TMEM132D: variants seen among roughly 807,000 people sequenced by gnomAD.
TMEM132D encodes the protein transmembrane protein 132D.
In TMEM132D, 21 loss-of-function variants were observed where a neutral mutation model predicts 62.3. That is an observed-to-expected ratio of 0.34 (90% CI 0.24 to 0.49). The LOEUF (loss-of-function observed/expected upper bound fraction) is 0.49. Among genes scored for constraint, TMEM132D ranks in the 20% least tolerant of loss-of-function variants. The pLI is 0.99. For synonymous variants in TMEM132D, 621 were observed against 575.6 expected (o/e 1.08, Z -1.13); for missense variants, 1,346 against 1,402.8 (o/e 0.96, Z 0.65).
chr12:129,597,389 A>G (rs1878366743), intron 2 of TMEM132D, among the ~76,000 whole-genome samples: 1 of 152,242 alleles, frequency 6.6e-6, no homozygotes, highest in South Asian at 2.1e-4. Context: ...TATAAATAAA[A>G]TAAAAACAAC....
intron 5 of TMEM132D, among the ~76,000 whole-genome samples, chr12:129,151,226 G>T (rs1877061634): frequency 6.6e-6 from 1 of 152,236 alleles, no homozygotes; most frequent in South Asian, 2.1e-4. Flanking sequence ...CGATCCAGAG[G>T]TGTTAATAGT....
intron 4 of TMEM132D, among the ~76,000 whole-genome samples, chr12:129,228,058 CT>C (rs1227053424): frequency 6.6e-6 from 1 of 152,184 alleles, no homozygotes; most frequent in Non-Finnish European, 1.5e-5. Flanking sequence ...TTGTTTCCCC[CT>C]TTATAATCCT....
At position 129,651,791 on chromosome 12, in the gene TMEM132D, CAGT is replaced by C. The variant is rs377476935; in HGVS notation, c.968+48016_968+48018del. On this transcript the variant is annotated intron_variant, in intron 2 of 8. Transcript: ENST00000422113. ...ATCTTTGAGGAGTCATGCATGTATA[CAGT>C]AGGAGTTCTGGGCATACATGTATAC... Among the ~76,000 whole-genome samples the C allele has an allele frequency of 1.6e-4, 24 of 152,312 alleles. 2 individuals carry two copies. In the South Asian group the frequency reaches 5.0e-3, roughly 32 times the overall value.
At chr12:129,501,661 C>A (rs144307187) in intron 3 of TMEM132D, among the ~76,000 whole-genome samples, 4 of 152,002 alleles carry the variant, frequency 2.6e-5, no homozygotes, top group Admixed American at 2.0e-4. Context: ...CACACCATCA[C>A]GCCTGGCCAA....
chr12:129,799,060 T>TG (rs1392348354), intron 1 of TMEM132D, among the ~76,000 whole-genome samples: 1 of 151,744 alleles, frequency 6.6e-6, no homozygotes, highest in East Asian at 1.9e-4. Flanking sequence ...GGTCCGGAGA[T>TG]GGAGACCAAT....
intron 1 of TMEM132D, among the ~76,000 whole-genome samples, chr12:129,783,219 C>A (rs1300912626): frequency 1.3e-5 from 2 of 152,132 alleles, no homozygotes; most frequent in East Asian, 3.9e-4. Flanking sequence ...TTCAAATGTA[C>A]AACCCTGAGA....
intron 4 of TMEM132D, among the ~76,000 whole-genome samples, chr12:129,318,609 G>T (rs972804270): frequency 6.6e-6 from 1 of 152,160 alleles, no homozygotes; most frequent in South Asian, 2.1e-4. Flanking sequence ...CTCTATGTTT[G>T]TGCTGGTGGC....
intron 1 of TMEM132D, among the ~76,000 whole-genome samples, chr12:129,750,010 C>A (rs181254907): frequency 2.4e-4 from 36 of 152,364 alleles, no homozygotes; most frequent in Middle Eastern, 6.8e-3. Context: ...TCCCCATTCC[C>A]TCTCCTGGAT....
chr12:129,187,596 C>T (rs1878254067), intron 5 of TMEM132D, among the ~76,000 whole-genome samples: 1 of 114,940 alleles, frequency 8.7e-6, no homozygotes, highest in Admixed American at 8.3e-5. Context: ...TGTAATGGAC[C>T]CAGCTGTGCA....
At chr12:129,601,930 G>T (rs2137143332) in intron 2 of TMEM132D, among the ~76,000 whole-genome samples, 1 of 151,932 alleles carries the variant, frequency 6.6e-6, no homozygotes, top group Admixed American at 6.6e-5. Flanking sequence ...TTCAATGCAG[G>T]GTTGCCATAA....
At chr12:129,540,675 T>TG (rs1179671804) in intron 2 of TMEM132D, among the ~76,000 whole-genome samples, 1 of 152,094 alleles carries the variant, frequency 6.6e-6, no homozygotes, top group Non-Finnish European at 1.5e-5. Flanking sequence ...TTAGTAGAGA[T>TG]GGGGTTTCAC....
At chr12:129,451,385 T>C (rs1181264045) in intron 3 of TMEM132D, among the ~76,000 whole-genome samples, 2 of 152,218 alleles carry the variant, frequency 1.3e-5, no homozygotes. Flanking sequence ...GCACGTGTCT[T>C]GCTTTCTCAT....
intron 2 of TMEM132D, among the ~76,000 whole-genome samples, chr12:129,637,641 C>A (rs989012631): frequency 6.6e-6 from 1 of 152,066 alleles, no homozygotes; most frequent in Non-Finnish European, 1.5e-5. Flanking sequence ...GTAAAGCCTG[C>A]GGAGACTGGG....
At chr12:129,742,404 A>C (rs1358318949) in intron 1 of TMEM132D, among the ~76,000 whole-genome samples, 3 of 151,558 alleles carry the variant, frequency 2.0e-5, no homozygotes, top group Non-Finnish European at 2.9e-5. Context: ...GAGGTCCCAG[A>C]CTCTTTTTGA....
chr12:129,111,479 C>G (rs1352382392), intron 5 of TMEM132D: 1 of 152,262 alleles, frequency 6.6e-6, no homozygotes. Context: ...AGAGAATGTG[C>G]ATTCTGACGG....
intron 4 of TMEM132D, among the ~76,000 whole-genome samples, chr12:129,265,553 G>C (rs76566436): frequency 6.6e-6 from 1 of 151,948 alleles, no homozygotes; most frequent in Non-Finnish European, 1.5e-5. Flanking sequence ...TGTCCCTCCC[G>C]GCCCTCATGG....
intron 2 of TMEM132D, among the ~76,000 whole-genome samples, chr12:129,572,041 T>C (rs1877528210): frequency 6.6e-6 from 1 of 152,102 alleles, no homozygotes. Flanking sequence ...CATCCGCAGG[T>C]ACTCACCCTG....
chr12:129,700,233 C>T lies in TMEM132D; in HGVS notation c.545G>A (p.Ser182Asn), dbSNP rs150508783. ...AFRETREVRG[S>N]CRLQGDLGLC... ...CCCCAGGTCCCCCTGCAGCCGGCAG[C>T]TGCCCCGCACCTCTCGGGTCTCTCG... The change falls in exon 2 of 9, where the codon AGC becomes AAC. Residue 182 changes from serine to asparagine, a missense_variant. Transcript: ENST00000422113. 6.2e-7 allele frequency: 1 copy of T among 1,612,986 alleles called. No homozygotes were observed. Among genetic ancestry groups the T allele is most frequent in the Non-Finnish European group, 8.5e-7 (1 of 1,179,936 alleles).
At chr12:129,899,280 CATGG>C (rs1335410024) in intron 1 of TMEM132D, among the ~76,000 whole-genome samples, 1 of 121,948 alleles carries the variant, frequency 8.2e-6, no homozygotes, top group South Asian at 2.7e-4. Context: ...TGGATGGATG[CATGG>C]ATGGATGGAT....
Sources: gnomAD v4.1 joint callset for allele counts (sites outside exome capture counted in the v4.1 genomes callset) on GRCh38, gnomAD v4.1.1 for gene constraint, MANE v1.5 for transcripts, NCBI Gene and HGNC (gene_info 2026-07-23, HGNC 2026-07-21) for gene names.